The following ZSWIM5 variants were observed in gnomAD, a reference collection of about 807,000 sequenced individuals.
The protein encoded by ZSWIM5 is zinc finger SWIM domain-containing protein 5.
A neutral mutation model predicts 119.6 loss-of-function variants in ZSWIM5; 55 were observed. The observed-to-expected ratio is 0.46, with a 90% CI of 0.37 to 0.58. The LOEUF is 0.58. Among genes scored for constraint, ZSWIM5 ranks in the 20% least tolerant of loss-of-function variants. ZSWIM5 has a pLI of 0.00. For synonymous variants in ZSWIM5, 537 were observed against 606.9 expected, an observed-to-expected ratio of 0.88 and a Z score of 1.69; for missense variants, 1,193 against 1,512.8, an observed-to-expected ratio of 0.79 and a Z score of 3.51.
chr1:45,090,529 T>C (rs1371103669), intron 1 of ZSWIM5, among the ~76,000 whole-genome samples: 1 of 151,814 alleles, frequency 6.6e-6, no homozygotes, highest in Non-Finnish European at 1.5e-5. Flanking sequence ...GGTGGGAGGA[T>C]TGCTCGAGGC....
chr1:45,174,401 T>A (rs540287162), intron 1 of ZSWIM5, among the ~76,000 whole-genome samples: 61 of 152,022 alleles, frequency 4.0e-4, no homozygotes, highest in Admixed American at 7.2e-4. Context: ...AATAAATAGG[T>A]AATTGGAGGA....
At chr1:45,204,258 A>G (rs953059973) in intron 1 of ZSWIM5, among the ~76,000 whole-genome samples, 2 of 152,190 alleles carry the variant, frequency 1.3e-5, no homozygotes, top group Non-Finnish European at 2.9e-5. Context: ...CAAGAATCTT[A>G]AAAGTTAAAT....
rs368972230 is a variant in ZSWIM5 at position 45,170,405 on chromosome 1, C to T, written c.595+35351G>A. Among the ~76,000 whole-genome samples, 207 of 150,026 alleles carry T rather than the reference C, an allele frequency of 1.4e-3. 9 individuals are homozygous for T. The South Asian group carries it at 0.04, about 29-fold the overall frequency. On this transcript the variant is annotated intron_variant, in intron 1 of 13. Transcript: ENST00000359600. ...TTTAATTTTAGGAGGAAATGTTATA[C>T]AAACAAAGGCTATAAAATCACTTTT...
At chr1:45,089,223 C>T (rs183696818) in intron 1 of ZSWIM5, among the ~76,000 whole-genome samples, 3 of 152,300 alleles carry the variant, frequency 2.0e-5, no homozygotes, top group Admixed American at 1.3e-4. Flanking sequence ...TCAAGCAATC[C>T]GCTTTGGCTC....
chr1:45,101,838 A>G (rs1184941970), intron 1 of ZSWIM5, among the ~76,000 whole-genome samples: 1 of 152,190 alleles, frequency 6.6e-6, no homozygotes, highest in East Asian at 1.9e-4. Context: ...GGAGTTGAAC[A>G]ATGAGAACAC....
intron 1 of ZSWIM5, among the ~76,000 whole-genome samples, chr1:45,191,171 G>T (rs1309039151): frequency 6.6e-6 from 1 of 151,146 alleles, no homozygotes; most frequent in African/African-American, 2.4e-5. Context: ...CTGACCTCGT[G>T]ATCCGCCCGC....
At chr1:45,152,013 T>C (rs981786073) in intron 1 of ZSWIM5, among the ~76,000 whole-genome samples, 2 of 152,132 alleles carry the variant, frequency 1.3e-5, no homozygotes, top group Non-Finnish European at 2.9e-5. Flanking sequence ...CTTTTACAGT[T>C]CAATAGATGT....
chr1:45,052,041 C>T (rs567989052), intron 4 of ZSWIM5, among the ~76,000 whole-genome samples: 1 of 151,068 alleles, frequency 6.6e-6, no homozygotes, highest in Admixed American at 6.6e-5. Context: ...CTCTTGCCCC[C>T]CAAGCTGGAG....
chr1:45,151,894 G>C (rs889975648), intron 1 of ZSWIM5, among the ~76,000 whole-genome samples: 2 of 152,160 alleles, frequency 1.3e-5, no homozygotes, highest in Admixed American at 1.3e-4. Flanking sequence ...TTGAGATAAT[G>C]AACATATCCA....
At chr1:45,205,040 T>C (rs1013133449) in intron 1 of ZSWIM5, among the ~76,000 whole-genome samples, 7 of 151,864 alleles carry the variant, frequency 4.6e-5, no homozygotes, top group African/African-American at 1.7e-4. Context: ...ATGAGAAGCT[T>C]TTGAAAAACC....
intron 1 of ZSWIM5, among the ~76,000 whole-genome samples, chr1:45,143,730 T>C (rs941700950): frequency 1.3e-5 from 2 of 152,084 alleles, no homozygotes; most frequent in African/African-American, 4.8e-5. Flanking sequence ...AAAACTATCC[T>C]TATTCAAAGA....
At chr1:45,051,381 A>AAAAT in intron 4 of ZSWIM5, 128 bp from the exon 5 acceptor site, 2 of 1,003,958 alleles carry the variant, frequency 2.0e-6, no homozygotes, top group East Asian at 5.5e-5. Context: ...AATATAAAAA[A>AAAAT]CTTGCTAAGA....
intron 4 of ZSWIM5, among the ~76,000 whole-genome samples, chr1:45,052,023 A>G (rs534639854): frequency 6.7e-6 from 1 of 149,944 alleles, no homozygotes; most frequent in Non-Finnish European, 1.5e-5. Context: ...TTTTGAGACA[A>G]AGTCTCGCTC....
At chr1:45,087,086 G>GTTCA (rs1645335174) in intron 2 of ZSWIM5, among the ~76,000 whole-genome samples, 2 of 151,964 alleles carry the variant, frequency 1.3e-5, no homozygotes, top group Non-Finnish European at 2.9e-5. Context: ...GTTTCACCAT[G>GTTCA]TTCACTAGGC....
Position 45,058,612 on chromosome 1 carries a change from G to C in ZSWIM5, c.1249C>G (p.Leu417Val), listed in dbSNP as rs762569968. 6.2e-7 allele frequency: 1 copy of C among 1,614,072 alleles called. No individual in the cohort carries two copies. Among genetic ancestry groups the C allele is most frequent in the African/African-American group, 1.3e-5 (1 of 74,932 alleles). Residue 417 changes from leucine to valine, a missense_variant, in exon 4 of 14, where the codon CTA (leucine) becomes GTA (valine). Physicochemically the swap from Leu to Val is conservative, Grantham distance 32. Coordinates refer to ENST00000359600, the MANE Select transcript of ZSWIM5 (RefSeq NM_020883.2). ...TCTCTGAATGATGGGAACTTACCTA[G>C]CTCATCCCAGAGCTGCCTGCACTTG... ...TDKCRQLWDE[L>V]GALWVCIILN...
In ZSWIM5 at chr1:45,061,998, G is replaced by A. The variant is rs186298705; in HGVS notation, c.953-1751C>T. Reference sequence around the variant, plus strand: ...CCAGCTACCTGGGAGACTGAGGCACGAGAATTGCTTGAACCTGGGAGGTGA... The same window carrying A: ...CCAGCTACCTGGGAGACTGAGGCACAAGAATTGCTTGAACCTGGGAGGTGA... On this transcript the variant is annotated intron_variant, in intron 2 of 13. Transcript: ENST00000359600. 2.3e-3 allele frequency among the ~76,000 whole-genome samples: 357 copies of A among 152,144 alleles called. 2 individuals are homozygous for A. The highest frequency in any genetic ancestry group is 8.2e-3 in the African/African-American group (339 of 41,542).
At chr1:45,097,860 C>T (rs1289380334) in intron 1 of ZSWIM5, among the ~76,000 whole-genome samples, 1 of 152,072 alleles carries the variant, frequency 6.6e-6, no homozygotes, top group East Asian at 1.9e-4. Context: ...CACCACCACA[C>T]CCGGCTATTG....
chr1:45,180,749 G>T (rs1056731916), intron 1 of ZSWIM5, among the ~76,000 whole-genome samples: 2 of 152,056 alleles, frequency 1.3e-5, no homozygotes, highest in Non-Finnish European at 2.9e-5. Context: ...CCAGAGGAAC[G>T]ATCAGACAGC....
chr1:45,042,977 T>G (rs1272299054), intron 6 of ZSWIM5, among the ~76,000 whole-genome samples: 2 of 152,218 alleles, frequency 1.3e-5, no homozygotes, highest in Non-Finnish European at 2.9e-5. Context: ...ATTAACTCCT[T>G]TCACCCCCTC....
Sources: gnomAD v4.1 joint callset for allele counts (sites outside exome capture counted in the v4.1 genomes callset) on GRCh38, gnomAD v4.1.1 for gene constraint, MANE v1.5 for transcripts, NCBI Gene and HGNC (gene_info 2026-07-23, HGNC 2026-07-21) for gene names.